IPMK: variants seen among roughly 807,000 people sequenced by gnomAD.
IPMK encodes inositol 1,3,4,6-tetrakisphosphate 5-kinase.
In IPMK, 17 loss-of-function variants were observed where a neutral mutation model predicts 45.8. That is an observed-to-expected ratio of 0.37 (90% CI 0.25 to 0.56). The LOEUF (loss-of-function observed/expected upper bound fraction) is 0.56. Ranked by LOEUF, IPMK falls within the 20% of genes least tolerant of loss-of-function variation. IPMK has a pLI of 0.79. For missense variants in IPMK, 399 were observed against 498.0 expected (o/e 0.80, Z 1.89); for synonymous variants, 180 against 184.3 (o/e 0.98, Z 0.19).
At chr10:58,236,668 G>T (rs188726433) in intron 2 of IPMK, among the ~76,000 whole-genome samples, 2 of 152,272 alleles carry the variant, frequency 1.3e-5, no homozygotes, top group East Asian at 3.9e-4. Flanking sequence ...ACTTTGGGAG[G>T]CAGAGGCAGG....
intron 1 of IPMK, among the ~76,000 whole-genome samples, chr10:58,247,182 T>C (rs1386070257): frequency 6.1e-5 from 9 of 147,150 alleles, no homozygotes; most frequent in South Asian, 2.1e-4. Flanking sequence ...TGTGGAGAAA[T>C]AGGAACACTT....
chr10:58,220,002 T>C (rs1182348153), intron 3 of IPMK, among the ~76,000 whole-genome samples: 1 of 152,194 alleles, frequency 6.6e-6, no homozygotes, highest in East Asian at 1.9e-4. Context: ...CCTACAGAAG[T>C]GGTCCCTTTG....
At chr10:58,222,535 C>T (rs2132156572) in intron 3 of IPMK, among the ~76,000 whole-genome samples, 1 of 152,240 alleles carries the variant, frequency 6.6e-6, no homozygotes, top group East Asian at 1.9e-4. Context: ...GTCTGTAAAG[C>T]TTAGTGCTGG....
chr10:58,267,424 A>T lies in IPMK; in HGVS notation c.188T>A (p.Val63Glu), dbSNP rs1839165792. 1 of 1,613,556 alleles carries T rather than the reference A, an allele frequency of 6.2e-7. No individual in the cohort carries two copies. Among genetic ancestry groups the T allele is most frequent in the Non-Finnish European group, 8.5e-7 (1 of 1,179,736 alleles). ...VAGHMYGKDK[V>E]GILQHPDGTV... Reference sequence around the variant, plus strand: ...AGACCTATGCCACCCCCACTTACCCACTTTGTCCTTCCCGTACATGTGCCC... The same window carrying T: ...AGACCTATGCCACCCCCACTTACCCTCTTTGTCCTTCCCGTACATGTGCCC... Residue 63 changes from valine (V) to glutamate (E), a missense_variant and splice_region_variant, in exon 1 of 6, where the codon GTG becomes GAG. Val to Glu is a moderately radical substitution (Grantham distance 121). This residue lies in a region of IPMK where 111 missense variants were observed against 99.9 expected (regional missense o/e 1.11). Coordinates refer to ENST00000373935, the MANE Select transcript of IPMK (RefSeq NM_152230.5).
At chr10:58,243,942 C>T (rs1838741796) in intron 1 of IPMK, among the ~76,000 whole-genome samples, 1 of 149,048 alleles carries the variant, frequency 6.7e-6, no homozygotes, top group African/African-American at 2.5e-5. Flanking sequence ...TGCCCGACCG[C>T]CCATCGTCTG....
At chr10:58,219,034 T>C (rs996977451) in intron 3 of IPMK, among the ~76,000 whole-genome samples, 2 of 152,234 alleles carry the variant, frequency 1.3e-5, no homozygotes. Flanking sequence ...TGTTAGACTA[T>C]CCAAATGTGT....
intron 4 of IPMK, among the ~76,000 whole-genome samples, chr10:58,207,721 G>C (rs946905430): frequency 2.6e-5 from 4 of 152,048 alleles, no homozygotes; most frequent in Non-Finnish European, 2.9e-5. Flanking sequence ...TCCAGTGTTA[G>C]GTGCATATAT....
intron 1 of IPMK, among the ~76,000 whole-genome samples, chr10:58,239,709 T>C (rs2132166700): frequency 6.6e-6 from 1 of 152,188 alleles, no homozygotes; most frequent in Middle Eastern, 3.4e-3. Context: ...ATTCTCTAGG[T>C]GAGTGAATTC....
Position 58,267,588 on chromosome 10 carries a change from G to T in IPMK, c.24C>A (p.Pro8=). The change falls in exon 1 of 6, where the codon CCC becomes CCA. Residue 8 remains proline, a synonymous_variant. Coordinates refer to ENST00000373935, the MANE Select transcript of IPMK (RefSeq NM_152230.5). The part of the protein sequence containing the change: MATEPPS[P]LRVEAPGPPE... Reference sequence around the variant, plus strand: ...GGGGGCCCGGCGCCTCGACCCGGAGGGGGGATGGTGGCTCTGTTGCCATAA... The same window carrying T: ...GGGGGCCCGGCGCCTCGACCCGGAGTGGGGATGGTGGCTCTGTTGCCATAA... The T allele has an allele frequency of 1.2e-6, 2 of 1,603,370 alleles. No homozygotes were observed. Among genetic ancestry groups the T allele is most frequent in the South Asian group, 1.1e-5 (1 of 90,052 alleles).
At chr10:58,233,036 C>T (rs2790224) in intron 2 of IPMK, among the ~76,000 whole-genome samples, 51,503 of 152,018 alleles carry the variant, frequency 0.34, 10,970 homozygotes, top group African/African-American at 0.61. Flanking sequence ...TCAGAGAATA[C>T]GATAAACACC....
At chr10:58,231,662 G>C (rs1838523245) in intron 2 of IPMK, among the ~76,000 whole-genome samples, 1 of 152,084 alleles carries the variant, frequency 6.6e-6, no homozygotes, top group Non-Finnish European at 1.5e-5. Flanking sequence ...TGCCTTACAA[G>C]AGCTCCTCAA....
At chr10:58,246,597 C>T (rs1838804782) in intron 1 of IPMK, among the ~76,000 whole-genome samples, 1 of 132,078 alleles carries the variant, frequency 7.6e-6, no homozygotes, top group Admixed American at 6.9e-5. Context: ...AACTGGCTAG[C>T]CATATGTAGA....
At chr10:58,254,062 C>T (rs1838926396) in intron 1 of IPMK, among the ~76,000 whole-genome samples, 1 of 152,114 alleles carries the variant, frequency 6.6e-6, no homozygotes, top group Admixed American at 6.5e-5. Context: ...CTTCCTTTAC[C>T]TAGATGTTGT....
At chr10:58,244,748 C>G (rs1300963887) in intron 1 of IPMK, among the ~76,000 whole-genome samples, 1 of 152,120 alleles carries the variant, frequency 6.6e-6, no homozygotes, top group Non-Finnish European at 1.5e-5. Flanking sequence ...TTACCCCCAA[C>G]CCCCTGCTCT....
chr10:58,250,327 T>C (rs941962892), intron 1 of IPMK, among the ~76,000 whole-genome samples: 3 of 152,212 alleles, frequency 2.0e-5, no homozygotes, highest in Non-Finnish European at 2.9e-5. Context: ...CTTTTCATAT[T>C]GTGTGTCTTC....
At chr10:58,232,625 A>G (rs111881823) in intron 2 of IPMK, among the ~76,000 whole-genome samples, 12,610 of 152,308 alleles carry the variant, frequency 0.083, 1,320 homozygotes, top group African/African-American at 0.25. Flanking sequence ...ATGTTCTTTG[A>G]AACCAATGAG....
At chr10:58,237,088 A>G (rs1365196310) in intron 2 of IPMK, among the ~76,000 whole-genome samples, 1 of 152,144 alleles carries the variant, frequency 6.6e-6, no homozygotes, top group Non-Finnish European at 1.5e-5. Context: ...AAAAGAAAAA[A>G]TCAAACTAGA....
At chr10:58,248,786 T>C (rs1398444258) in intron 1 of IPMK, among the ~76,000 whole-genome samples, 13 of 152,230 alleles carry the variant, frequency 8.5e-5, no homozygotes, top group Non-Finnish European at 2.9e-5. Flanking sequence ...AATGAGGTCA[T>C]GTGTTATTCG....
chr10:58,212,996 C>A (rs1588955209), intron 4 of IPMK: 1 of 166,652 alleles, frequency 6.0e-6, no homozygotes, highest in East Asian at 1.5e-4. Context: ...TGGAATAACA[C>A]CTATCTCATC....
Sources: gnomAD v4.1 joint callset for allele counts (sites outside exome capture counted in the v4.1 genomes callset) on GRCh38, gnomAD v4.1.1 for gene constraint, gnomAD v4.1.1 regional missense constraint, MANE v1.5 for transcripts, NCBI Gene and HGNC (gene_info 2026-07-23, HGNC 2026-07-21) for gene names.